The following FADS1 variants were observed in gnomAD, a reference collection of about 807,000 sequenced individuals.
FADS1 encodes the protein fatty acid desaturase 1.
In FADS1, 17 loss-of-function variants were observed where a neutral mutation model predicts 61.6. That is an observed-to-expected ratio of 0.28 (90% CI 0.19 to 0.41). FADS1 has a LOEUF of 0.41. Ranked by LOEUF, FADS1 falls within the 10% of genes least tolerant of loss-of-function variation. FADS1 has a pLI of 1.00. For missense variants in FADS1, 387 were observed against 650.9 expected (o/e 0.59, Z 4.41); for synonymous variants, 238 against 258.7 (o/e 0.92, Z 0.77).
chr11:61,816,144 G>C lies in FADS1; in HGVS notation c.375+411C>G. The C allele has an allele frequency of 2.1e-6, 2 of 934,448 alleles. No individual in the cohort carries two copies. Among genetic ancestry groups the C allele is most frequent in the Non-Finnish European group, 3.1e-6 (2 of 637,116 alleles). 57.9% of individuals were successfully genotyped at this position (934,448 alleles called of 1,614,324 possible). On this transcript the variant is annotated intron_variant, in intron 1 of 11. Coordinates refer to ENST00000350997, the MANE Select transcript of FADS1 (RefSeq NM_013402.7). This position sits in a 1 kb window ranked among gnomAD's most constrained non-coding sequence, Gnocchi z 7.0. ...GGCTGCGCTGCCTCTCCTAGCCATC[G>C]AGACAGGATGTGACTCCCTCCCCTG...
At chr11:61,812,733 G>T in intron 2 of FADS1, 65 bp from the exon 3 acceptor site, 1 of 1,453,450 alleles carries the variant, frequency 6.9e-7, no homozygotes, top group Non-Finnish European at 9.5e-7. Context: ...GGAGACAAGG[G>T]CCCTCTCAGG....
Position 61,803,161 on chromosome 11 carries a change from C to A in FADS1, c.1249-50G>T. On this transcript the variant is annotated intron_variant, in intron 9 of 11. Coordinates refer to ENST00000350997, the MANE Select transcript of FADS1 (RefSeq NM_013402.7). The surrounding 1 kb of genome is among the most constrained non-coding windows in gnomAD (Gnocchi z 4.3). ...CATGTTGAATATCAGATGGAAAGGC[C>A]AGCCCAGCATTCTCCAGGTAAAGCT... 6.4e-7 allele frequency: 1 copy of A among 1,568,272 alleles called. No individual in the cohort carries two copies.
rs1395920566 is a variant in FADS1 at position 61,800,655 on chromosome 11, C to T, written c.*1756G>A. 1.3e-5 allele frequency: 2 copies of T among 152,476 alleles called. No individual in the cohort carries two copies. The highest frequency in any genetic ancestry group is 4.8e-5 in the African/African-American group (2 of 41,446). 9.4% of individuals were successfully genotyped at this position (152,476 alleles called of 1,614,324 possible). Reference sequence around the variant, plus strand: ...CTCCTTGACTGTCTGCCATCCCCTCCCAAAACTAAGTGGAGGCTCTGTCTT... The same window carrying T: ...CTCCTTGACTGTCTGCCATCCCCTCTCAAAACTAAGTGGAGGCTCTGTCTT... On this transcript the variant is annotated 3_prime_UTR_variant, in exon 12 of 12. Transcript: ENST00000350997.
Position 61,803,515 on chromosome 11 carries a change from TC to T in FADS1, c.1152-57del. On this transcript the variant is annotated intron_variant, in intron 8 of 11. Transcript: ENST00000350997. This position sits in a 1 kb window ranked among gnomAD's most constrained non-coding sequence, Gnocchi z 4.3. Reference sequence around the variant, plus strand: ...TACACACAGAGCCCAGAATTCTGATTCCCCCCTCAGATAACTGCTCCAGCCT... The same window carrying T: ...TACACACAGAGCCCAGAATTCTGATTCCCCCTCAGATAACTGCTCCAGCCT... 1.4e-6 allele frequency: 2 copies of T among 1,473,430 alleles called. No individual in the cohort carries two copies. The highest frequency in any genetic ancestry group is 1.7e-4 in the Middle Eastern group (1 of 5,796). 91.3% of individuals were successfully genotyped at this position (1,473,430 alleles called of 1,614,324 possible). A position where few individuals can be genotyped will look rare whatever the true frequency, so the allele number is the denominator to read the frequency against.
Position 61,816,381 on chromosome 11 carries a change from G to C in FADS1, c.375+174C>G, listed in dbSNP as rs1204231233. The C allele has an allele frequency of 1.3e-6, 2 of 1,598,298 alleles. No homozygotes were observed. Among genetic ancestry groups the C allele is most frequent in the Non-Finnish European group, 1.7e-6 (2 of 1,179,806 alleles). ...CTCCACTTCTCCAGGCCTCTCTCCC[G>C]CCTTTTCATCCCGCATCCGCAGGAC... On this transcript the variant is annotated intron_variant, in intron 1 of 11. Transcript: ENST00000350997. The surrounding 1 kb of genome is among the most constrained non-coding windows in gnomAD (Gnocchi z 7.0).
At chr11:61,811,681 C>A in intron 3 of FADS1, 1 of 275,808 alleles carries the variant, frequency 3.6e-6, no homozygotes. Context: ...CCTTCGCTTC[C>A]CAGGTTCAAG....
Position 61,802,679 on chromosome 11 carries a change from G to T in FADS1, c.1454+122C>A. The T allele has an allele frequency of 6.9e-7, 1 of 1,444,476 alleles. No individual in the cohort carries two copies. Among genetic ancestry groups the T allele is most frequent in the Non-Finnish European group, 9.6e-7 (1 of 1,044,408 alleles). 89.5% of individuals were successfully genotyped at this position (1,444,476 alleles called of 1,614,324 possible). ...AATAAAGAATCCTGCCTTTGCCATG[G>T]TGAACTCCATCCCACACGACTGGGA... On this transcript the variant is annotated intron_variant, in intron 11 of 11. Transcript: ENST00000350997. The surrounding 1 kb of genome is among the most constrained non-coding windows in gnomAD (Gnocchi z 4.2).
At chr11:61,806,384 G>A in intron 6 of FADS1, 1 of 436,474 alleles carries the variant, frequency 2.3e-6, no homozygotes, top group Non-Finnish European at 4.2e-6. Flanking sequence ...TGAGGATAAA[G>A]CAAGAGGCCC....
Position 61,812,605 on chromosome 11 carries a change from C to A in FADS1, c.550G>T (p.Ala184Ser). ...ATVERMGLMKANHVFFLLYLL... is the reference protein window; with the variant it reads ...ATVERMGLMKSNHVFFLLYLL... ...TACAGCAGGAAGAAGACATGGTTGG[C>A]CTTCATGAGCCCCATCCGCTCCACT... The change falls in exon 3 of 12, where the codon GCC (alanine) becomes TCC (serine). Residue 184 changes from alanine (A) to serine (S), a missense_variant. By Grantham distance (99) the Ala-to-Ser change is moderately conservative. Around this residue, in one of 2 missense-constraint regions of FADS1, gnomAD observed 257 missense variants for 533.3 expected, o/e 0.48. Coordinates refer to ENST00000350997, the MANE Select transcript of FADS1 (RefSeq NM_013402.7). 6.2e-7 allele frequency: 1 copy of A among 1,614,122 alleles called. No individual in the cohort carries two copies. Among genetic ancestry groups the A allele is most frequent in the South Asian group, 1.1e-5 (1 of 91,084 alleles).
chr11:61,805,816 G>GC (rs1444373897), intron 6 of FADS1: 1 of 152,166 alleles, frequency 6.6e-6, no homozygotes, highest in African/African-American at 2.4e-5. Flanking sequence ...GCTTACTGCA[G>GC]CCCCAAATTC....
At chr11:61,813,703 C>A (rs562292767) in intron 1 of FADS1, 2 of 200,316 alleles carry the variant, frequency 1.0e-5, no homozygotes, top group Non-Finnish European at 2.0e-5. Context: ...CGGTGGCTCA[C>A]GCCTGTAATC....
chr11:61,803,175 C>G lies in FADS1; in HGVS notation c.1249-64G>C. The G allele has an allele frequency of 2.0e-6, 3 of 1,517,428 alleles. No individual in the cohort carries two copies. Among genetic ancestry groups the G allele is most frequent in the Non-Finnish European group, 1.8e-6 (2 of 1,094,544 alleles). The allele number at this position is 1,517,428 out of a possible 1,614,324, so 94.0% of individuals were successfully genotyped here. A position where few individuals can be genotyped will look rare whatever the true frequency, so the allele number is the denominator to read the frequency against. ...GATGGAAAGGCCAGCCCAGCATTCTCCAGGTAAAGCTGGCTGAGGAAGGGA... is the reference window on the plus strand; with the variant it reads ...GATGGAAAGGCCAGCCCAGCATTCTGCAGGTAAAGCTGGCTGAGGAAGGGA... On this transcript the variant is annotated intron_variant, in intron 9 of 11. Transcript: ENST00000350997. This position sits in a 1 kb window ranked among gnomAD's most constrained non-coding sequence, Gnocchi z 4.3.
rs756929448 is a variant in FADS1, at chr11:61,803,074, T to C, written c.1286A>G (p.Asn429Ser). ...ATCNVHKSAFNDWFSGHLNFQ... is the reference protein window; with the variant it reads ...ATCNVHKSAFSDWFSGHLNFQ... ...GTTGAGGTGTCCACTGAACCAGTCATTGAAGGCAGACTTGTGGACATTGCA... is the reference window on the plus strand; with the variant it reads ...GTTGAGGTGTCCACTGAACCAGTCACTGAAGGCAGACTTGTGGACATTGCA... The change falls in exon 10 of 12, where the codon AAT becomes AGT. Residue 429 changes from asparagine (N) to serine (S), a missense_variant. Transcript: ENST00000350997. The surrounding 1 kb of genome is among the most constrained non-coding windows in gnomAD (Gnocchi z 4.3). 6 of 1,614,130 alleles carry C rather than the reference T, an allele frequency of 3.7e-6. No homozygotes were observed. The highest frequency in any genetic ancestry group is 3.3e-5 in the Admixed American group (2 of 60,028).
Position 61,813,285 on chromosome 11 carries a change from T to C in FADS1, c.444A>G (p.Gly148=), listed in dbSNP as rs773891937. ...VKKYMNSLLI[G]ELSPEQPSFE... is the part of the protein sequence containing the mutation. Reference sequence around the variant, plus strand: ...AGCTGGGCTGCTCTGGAGACAGTTCTCCAATCAGGAGAGAGTTCATATACT... The same window carrying C: ...AGCTGGGCTGCTCTGGAGACAGTTCCCCAATCAGGAGAGAGTTCATATACT... The change falls in exon 2 of 12, where the codon GGA becomes GGG. Residue 148 remains glycine, a synonymous_variant. Coordinates refer to ENST00000350997, the MANE Select transcript of FADS1 (RefSeq NM_013402.7). The C allele has an allele frequency of 5.6e-6, 9 of 1,613,520 alleles. No homozygotes were observed. Among genetic ancestry groups the C allele is most frequent in the Non-Finnish European group, 7.6e-6 (9 of 1,179,670 alleles).
Position 61,812,784 on chromosome 11 carries a change from G to A in FADS1, c.487-116C>T, listed in dbSNP as rs2066940965. The A allele has an allele frequency of 8.2e-6, 7 of 855,414 alleles. No homozygotes were observed. The Admixed American group carries it at 1.5e-4, about 19-fold the overall frequency. The allele number at this position is 855,414 out of a possible 1,614,324, so 53.0% of individuals were successfully genotyped here. ...CTGAGGTAGCTGTGGGAAGTCCACA[G>A]TCCTAGGCAAAGATACCACGACAAT... On this transcript the variant is annotated intron_variant, in intron 2 of 11. Coordinates refer to ENST00000350997, the MANE Select transcript of FADS1 (RefSeq NM_013402.7).
intron 6 of FADS1, chr11:61,804,970 A>C: frequency 3.5e-6 from 2 of 565,478 alleles, no homozygotes; most frequent in Non-Finnish European, 3.1e-6. Context: ...GAAGGCAAAA[A>C]CTCCCAAGAG....
rs569886036 is a variant in FADS1, at chr11:61,803,629, A to G, written c.1151+41T>C. 1 of 1,537,822 alleles carries G rather than the reference A, an allele frequency of 6.5e-7. No homozygotes were observed. The highest frequency in any genetic ancestry group is 2.2e-5 in the East Asian group (1 of 44,514). ...TAGACCAGACTGGTCACTCCCCAACATTTCCTTCACCAGTCCCTATCCGCC... is the reference window on the plus strand; with the variant it reads ...TAGACCAGACTGGTCACTCCCCAACGTTTCCTTCACCAGTCCCTATCCGCC... On this transcript the variant is annotated intron_variant, in intron 8 of 11. Coordinates refer to ENST00000350997, the MANE Select transcript of FADS1 (RefSeq NM_013402.7). The surrounding 1 kb of genome is among the most constrained non-coding windows in gnomAD (Gnocchi z 4.3).
chr11:61,806,610 T>A, intron 6 of FADS1, 54 bp downstream of exon 6: 2 of 1,488,020 alleles, frequency 1.3e-6, no homozygotes, highest in Non-Finnish European at 1.9e-6. Flanking sequence ...TCCTCCTCAT[T>A]CCCTCAGCAT....
In FADS1 at chr11:61,815,989, G is replaced by T; in HGVS notation, c.375+566C>A. On this transcript the variant is annotated intron_variant, in intron 1 of 11. Transcript: ENST00000350997. This position sits in a 1 kb window ranked among gnomAD's most constrained non-coding sequence, Gnocchi z 6.4. The stretch of plus-strand genomic sequence containing the variant: ...CTTCCGCGTCCTCCAGTCTTCACAC[G>T]ACGCAGGGGTCCCCAAGGCAGCGGT... The T allele has an allele frequency of 2.2e-6, 1 of 451,306 alleles. No homozygotes were observed. The highest frequency in any genetic ancestry group is 4.0e-6 in the Non-Finnish European group (1 of 249,400). 28.0% of individuals were successfully genotyped at this position (451,306 alleles called of 1,614,324 possible).
Sources: gnomAD v4.1 joint callset for allele counts on GRCh38, gnomAD v4.1.1 for gene constraint, gnomAD v4.1.1 regional missense constraint, Gnocchi (gnomAD v3.1) non-coding constraint, MANE v1.5 for transcripts, NCBI Gene and HGNC (gene_info 2026-07-23, HGNC 2026-07-21) for gene names.